The following MAP2K1 variants were observed in gnomAD, a reference collection of about 807,000 sequenced individuals.
MAP2K1 encodes the protein mitogen-activated protein kinase kinase 1.
Under a neutral mutation model 46.3 loss-of-function variants are expected in MAP2K1, and 16 were observed. That is an observed-to-expected ratio of 0.35 (90% CI 0.23 to 0.52). The LOEUF (loss-of-function observed/expected upper bound fraction) is 0.52. Ranked by LOEUF, MAP2K1 falls within the 20% of genes least tolerant of loss-of-function variation. The probability of loss-of-function intolerance (pLI) is 0.94; values close to 1 mark genes in which losing one functional copy is unlikely to be tolerated. For synonymous variants in MAP2K1, 183 were observed against 185.6 expected (o/e 0.99, Z 0.11); for missense variants, 263 against 497.1 (o/e 0.53, Z 4.48).
intron 5 of MAP2K1, among the ~76,000 whole-genome samples, chr15:66,445,261 G>A (rs1340298870): frequency 1.3e-5 from 2 of 151,954 alleles, no homozygotes; most frequent in South Asian, 2.1e-4. Context: ...CCATGGTGGC[G>A]AGCACCTGTA....
chr15:66,440,506 A>G (rs1202039857), intron 3 of MAP2K1, among the ~76,000 whole-genome samples: 2 of 152,226 alleles, frequency 1.3e-5, no homozygotes, highest in Admixed American at 1.3e-4. Context: ...TGCACTGCCC[A>G]GTCTGAATTT....
intron 1 of MAP2K1, among the ~76,000 whole-genome samples, chr15:66,392,256 T>TTTTG (rs1555412521): frequency 1.1e-5 from 1 of 92,430 alleles, no homozygotes; most frequent in Non-Finnish European, 2.2e-5. Flanking sequence ...TTTTTTTGGG[T>TTTTG]TTTTTTTTTT....
At chr15:66,401,927 G>A (rs768802655) in intron 1 of MAP2K1, 34 of 1,308,414 alleles carry the variant, frequency 2.6e-5, no homozygotes, top group African/African-American at 7.4e-5. Context: ...GGTTCGGGTC[G>A]AAGGAAATGA....
intron 5 of MAP2K1, among the ~76,000 whole-genome samples, chr15:66,460,055 A>G (rs147621940): frequency 1.1e-3 from 174 of 152,298 alleles, no homozygotes; most frequent in Non-Finnish European, 2.0e-3. Flanking sequence ...TGCCCATGGT[A>G]TATACACAAG....
In MAP2K1 at chr15:66,469,329, C is replaced by A. The variant is rs376631477; in HGVS notation, c.569-12426C>A. Reference sequence around the variant, plus strand: ...CTCTTCATTAAAAACCCAAGAGTAGCCTCTGTTGCAATAACTATTTTAGTC... The same window carrying A: ...CTCTTCATTAAAAACCCAAGAGTAGACTCTGTTGCAATAACTATTTTAGTC... On this transcript the variant is annotated intron_variant, in intron 5 of 10. Transcript: ENST00000307102. 5.3e-5 allele frequency among the ~76,000 whole-genome samples: 8 copies of A among 152,294 alleles called. No individual in the cohort carries two copies. In the South Asian group the frequency reaches 1.7e-3, roughly 32 times the overall value.
chr15:66,463,489 A>G (rs1892382277), intron 5 of MAP2K1, among the ~76,000 whole-genome samples: 1 of 109,356 alleles, frequency 9.1e-6, no homozygotes, highest in South Asian at 3.5e-4. Flanking sequence ...GGGTTTTTTC[A>G]TTAATTTTTG....
rs118069202 is a variant in MAP2K1, at chr15:66,422,746, C to T, written c.81-12281C>T. ...TTGCTTAGGGTGCCCTGTGTTTTTT[C>T]GATCTGGATGTTTGTTGTTTTTTGT... is the stretch of plus-strand genomic sequence containing the variant. On this transcript the variant is annotated intron_variant, in intron 1 of 10. Coordinates refer to ENST00000307102, the MANE Select transcript of MAP2K1 (RefSeq NM_002755.4). Among the ~76,000 whole-genome samples the T allele has an allele frequency of 8.1e-3, 1,234 of 151,928 alleles. 4 individuals are homozygous for T. The highest frequency in any genetic ancestry group is 0.012 in the Non-Finnish European group (803 of 67,954).
At chr15:66,455,598 T>C (rs1206712474) in intron 5 of MAP2K1, among the ~76,000 whole-genome samples, 1 of 152,250 alleles carries the variant, frequency 6.6e-6, no homozygotes, top group Non-Finnish European at 1.5e-5. Flanking sequence ...TTTTCAGTTA[T>C]CTTTCTTCAG....
chr15:66,441,072 C>T (rs145129540), intron 3 of MAP2K1, among the ~76,000 whole-genome samples: 362 of 152,252 alleles, frequency 2.4e-3, no homozygotes, highest in South Asian at 0.014. Context: ...AAGCAGTCCT[C>T]CCGCCTTAGC....
At position 66,387,305 on chromosome 15, in the gene MAP2K1, C is replaced by T. The variant is rs571248158; in HGVS notation, c.-43C>T. ...GCGCAGCGGGAGGAAGCGAGAGGTG[C>T]TGCCCTCCCCCCGGAGTTGGAAGCG... On this transcript the variant is annotated 5_prime_UTR_variant, in exon 1 of 11. Transcript: ENST00000307102. 3.2e-5 allele frequency: 47 copies of T among 1,487,370 alleles called. No individual in the cohort carries two copies. The South Asian group carries it at 5.0e-4, about 16-fold the overall frequency. The allele number at this position is 1,487,370 out of a possible 1,614,324, so 92.1% of individuals were successfully genotyped here.
chr15:66,416,155 T>A (rs954347323), intron 1 of MAP2K1, among the ~76,000 whole-genome samples: 1 of 152,144 alleles, frequency 6.6e-6, no homozygotes, highest in African/African-American at 2.4e-5. Context: ...TGACCTTCAC[T>A]TTCCCTCCCT....
rs374203054 is a variant in MAP2K1 at position 66,392,254 on chromosome 15, G to GTTTTTTTTTTTTTTTTTTTTT, written c.80+4827_80+4828insTTTTTTTTTTTTTTTTTTTTT. ...CACGAATATTTGTGTGTTTTTTTTG[G>GTTTTTTTTTTTTTTTTTTTTT]GTTTTTTTTTTTTTTTTTTTTTTTT... is the stretch of plus-strand genomic sequence containing the variant. On this transcript the variant is annotated intron_variant, in intron 1 of 10. Coordinates refer to ENST00000307102, the MANE Select transcript of MAP2K1 (RefSeq NM_002755.4). 3.8e-5 allele frequency among the ~76,000 whole-genome samples: 3 copies of GTTTTTTTTTTTTTTTTTTTTT among 79,662 alleles called. 1 individual carries two copies. The highest frequency in any genetic ancestry group is 6.7e-5 in the Non-Finnish European group (3 of 44,748). 52.3% of individuals were successfully genotyped at this position (79,662 alleles called of 152,430 possible). A position where few individuals can be genotyped will look rare whatever the true frequency, so the allele number is the denominator to read the frequency against.
intron 5 of MAP2K1, among the ~76,000 whole-genome samples, chr15:66,474,762 C>G (rs1892717946): frequency 6.6e-6 from 1 of 152,026 alleles, no homozygotes; most frequent in South Asian, 2.1e-4. Flanking sequence ...CATCTGTGTG[C>G]AATGGTTTAT....
At chr15:66,402,751 T>C (rs1318483922) in intron 1 of MAP2K1, among the ~76,000 whole-genome samples, 1 of 152,218 alleles carries the variant, frequency 6.6e-6, no homozygotes, top group African/African-American at 2.4e-5. Context: ...ATCCACTTAA[T>C]CTATCTAGTA....
intron 1 of MAP2K1, among the ~76,000 whole-genome samples, chr15:66,408,878 C>G (rs1456978276): frequency 6.6e-6 from 1 of 152,176 alleles, no homozygotes. Flanking sequence ...GTCATCTGCT[C>G]CACCCTCCGG....
intron 1 of MAP2K1, among the ~76,000 whole-genome samples, chr15:66,396,005 T>TTTTTG (rs1375182997): frequency 6.6e-6 from 1 of 152,134 alleles, no homozygotes; most frequent in Non-Finnish European, 1.5e-5. Context: ...GTACCCATCT[T>TTTTTG]TTTTGTTTTG....
At chr15:66,478,400 G>GTATA (rs373049432) in intron 5 of MAP2K1, among the ~76,000 whole-genome samples, 3 of 109,130 alleles carry the variant, frequency 2.7e-5, no homozygotes, top group South Asian at 2.7e-4. Flanking sequence ...ATATGTGTGT[G>GTATA]TATATATATA....
At chr15:66,478,147 C>T (rs935443988) in intron 5 of MAP2K1, among the ~76,000 whole-genome samples, 39 of 151,740 alleles carry the variant, frequency 2.6e-4, no homozygotes, top group African/African-American at 8.2e-4. Flanking sequence ...CTGTTCACAT[C>T]GTTGCTCAAA....
chr15:66,426,148 T>C (rs1225162541), intron 1 of MAP2K1, among the ~76,000 whole-genome samples: 1 of 151,568 alleles, frequency 6.6e-6, no homozygotes, highest in Non-Finnish European at 1.5e-5. Context: ...TTTTCTTTTT[T>C]TTTTTTTTTT....
Sources: gnomAD v4.1 joint callset for allele counts (sites outside exome capture counted in the v4.1 genomes callset) on GRCh38, gnomAD v4.1.1 for gene constraint, MANE v1.5 for transcripts, NCBI Gene and HGNC (gene_info 2026-07-23, HGNC 2026-07-21) for gene names.